ADAMTSL1: variants seen among roughly 807,000 people sequenced by gnomAD.
ADAMTSL1 encodes ADAMTS like 1, also known as ADAMTS-like protein 1.
Under a neutral mutation model 201.8 loss-of-function variants are expected in ADAMTSL1, and 126 were observed. The observed-to-expected ratio is 0.62, with a 90% CI of 0.54 to 0.72. The LOEUF is 0.72. Ranked by LOEUF, ADAMTSL1 falls within the 30% of genes least tolerant of loss-of-function variation. The pLI is 0.00. For missense variants in ADAMTSL1, 2,679 were observed against 2,277.8 expected (o/e 1.18, Z -3.59); for synonymous variants, 1,121 against 903.4 (o/e 1.24, Z -4.32).
chr9:18,004,108 T>G (rs1173986196), intron 1 of ADAMTSL1, among the ~76,000 whole-genome samples: 1 of 152,066 alleles, frequency 6.6e-6, no homozygotes, highest in South Asian at 2.1e-4. Context: ...AATTTATTAA[T>G]GTTTTAAAGG....
intron 1 of ADAMTSL1, among the ~76,000 whole-genome samples, chr9:17,976,179 G>T (rs773770834): frequency 6.6e-6 from 1 of 151,806 alleles, no homozygotes; most frequent in South Asian, 2.1e-4. Context: ...CTTTGTTCTT[G>T]TTCAAGATCG....
At chr9:18,322,195 AAGATTTT>A (rs1834650419) in intron 2 of ADAMTSL1, among the ~76,000 whole-genome samples, 1 of 152,232 alleles carries the variant, frequency 6.6e-6, no homozygotes, top group African/African-American at 2.4e-5. Context: ...TTGCCCCTTT[AAGATTTT>A]AAAAGAGGAA....
At chr9:18,515,403 C>T (rs1438265878) in intron 2 of ADAMTSL1, among the ~76,000 whole-genome samples, 1 of 152,146 alleles carries the variant, frequency 6.6e-6, no homozygotes, top group Admixed American at 6.5e-5. Flanking sequence ...GGTGCCATCT[C>T]GGCTCACTGC....
intron 1 of ADAMTSL1, among the ~76,000 whole-genome samples, chr9:18,500,362 T>C (rs1822769658): frequency 6.6e-6 from 1 of 152,238 alleles, no homozygotes; most frequent in Admixed American, 6.5e-5. Context: ...TATAATGATC[T>C]GTGACCACAA....
intron 15 of ADAMTSL1, among the ~76,000 whole-genome samples, chr9:18,742,144 C>G (rs1818867732): frequency 6.6e-6 from 1 of 152,180 alleles, no homozygotes; most frequent in Admixed American, 6.5e-5. Context: ...CTCATTTTAA[C>G]TTAATTATCT....
chr9:18,719,164 C>T (rs2133408743), intron 14 of ADAMTSL1, among the ~76,000 whole-genome samples: 1 of 152,210 alleles, frequency 6.6e-6, no homozygotes, highest in East Asian at 1.9e-4. Flanking sequence ...ACCCTGCAGT[C>T]AGCATTACAG....
chr9:18,763,929 ATTTTG>A (rs377322898), intron 16 of ADAMTSL1, among the ~76,000 whole-genome samples: 7 of 151,838 alleles, frequency 4.6e-5, no homozygotes, highest in Non-Finnish European at 1.0e-4. Flanking sequence ...GATTCCTCCA[ATTTTG>A]TTTTGTTTTG....
At chr9:18,359,249 C>G (rs1001667639) in intron 2 of ADAMTSL1, among the ~76,000 whole-genome samples, 7 of 152,160 alleles carry the variant, frequency 4.6e-5, no homozygotes, top group Admixed American at 4.6e-4. Flanking sequence ...TTCCCTCTAT[C>G]GGGGCCCTTT....
At chr9:18,042,590 T>C (rs1353792607) in intron 1 of ADAMTSL1, among the ~76,000 whole-genome samples, 1 of 152,166 alleles carries the variant, frequency 6.6e-6, no homozygotes, top group Non-Finnish European at 1.5e-5. Context: ...ATTCTGCCTC[T>C]GTTTAGTCAG....
chr9:18,553,663 G>C (rs1820931560), intron 3 of ADAMTSL1, among the ~76,000 whole-genome samples: 2 of 151,736 alleles, frequency 1.3e-5, no homozygotes, highest in South Asian at 4.1e-4. Flanking sequence ...TTTGTATTTG[G>C]TGCTCTCTCT....
chr9:18,739,899 CTGTGTGTG>C (rs5896804), intron 15 of ADAMTSL1, among the ~76,000 whole-genome samples: 12 of 148,114 alleles, frequency 8.1e-5, no homozygotes, highest in African/African-American at 1.2e-4. Flanking sequence ...TGTCTACTAT[CTGTGTGTG>C]TGTGTGTGTG....
At chr9:18,525,427 T>C (rs1282317621) in intron 2 of ADAMTSL1, among the ~76,000 whole-genome samples, 1 of 152,216 alleles carries the variant, frequency 6.6e-6, no homozygotes, top group East Asian at 1.9e-4. Flanking sequence ...AAGGGTTTTT[T>C]GTGTGTCTAT....
intron 15 of ADAMTSL1, among the ~76,000 whole-genome samples, chr9:18,742,736 A>C (rs1424714286): frequency 6.6e-6 from 1 of 152,198 alleles, no homozygotes; most frequent in Non-Finnish European, 1.5e-5. Context: ...CTCTGTATAA[A>C]GGAGGTAATT....
intron 1 of ADAMTSL1, among the ~76,000 whole-genome samples, chr9:18,002,382 C>CTCA (rs1418189279): frequency 6.6e-6 from 1 of 151,982 alleles, no homozygotes; most frequent in Non-Finnish European, 1.5e-5. Flanking sequence ...CCTCAGTTTC[C>CTCA]TCATCTGTAG....
At chr9:18,245,574 G>A (rs896752984) in intron 2 of ADAMTSL1, among the ~76,000 whole-genome samples, 6 of 152,076 alleles carry the variant, frequency 3.9e-5, no homozygotes, top group African/African-American at 1.4e-4. Context: ...GATATAACTG[G>A]GTAGTCCTTA....
rs76591788 is a variant in ADAMTSL1 at position 18,631,742 on chromosome 9, A to C, written c.602-4201A>C. 4.6e-5 allele frequency among the ~76,000 whole-genome samples: 7 copies of C among 152,348 alleles called. No individual in the cohort carries two copies. The East Asian group carries it at 1.4e-3, about 29-fold the overall frequency. On this transcript the variant is annotated intron_variant, in intron 5 of 28. Coordinates refer to ENST00000380548, the MANE Select transcript of ADAMTSL1 (RefSeq NM_001040272.6). ...ATAGAAAGTTGTGTGATATACATAT[A>C]GATAGATATTTTTTAAAGAATACTT...
At chr9:17,984,771 T>G (rs1325663493) in intron 1 of ADAMTSL1, among the ~76,000 whole-genome samples, 1 of 152,120 alleles carries the variant, frequency 6.6e-6, no homozygotes, top group African/African-American at 2.4e-5. Context: ...TTTAGACCTT[T>G]TCCTTCTTTT....
chr9:18,296,305 C>T (rs1254310755), intron 2 of ADAMTSL1, among the ~76,000 whole-genome samples: 6 of 152,048 alleles, frequency 3.9e-5, no homozygotes, highest in African/African-American at 1.4e-4. Flanking sequence ...TTAGATTCTG[C>T]CTCAAATTGA....
At chr9:18,477,651 T>G (rs1821520342) in intron 1 of ADAMTSL1, among the ~76,000 whole-genome samples, 1 of 152,220 alleles carries the variant, frequency 6.6e-6, no homozygotes, top group African/African-American at 2.4e-5. Context: ...CAGACCTAGA[T>G]TGTCTTTAAA....
Sources: gnomAD v4.1 joint callset for allele counts (sites outside exome capture counted in the v4.1 genomes callset) on GRCh38, gnomAD v4.1.1 for gene constraint, MANE v1.5 for transcripts, NCBI Gene and HGNC (gene_info 2026-07-23, HGNC 2026-07-21) for gene names.